Variants in RHOF observed in about 807,000 individuals in gnomAD.
RHOF encodes the protein ras homolog family member F, filopodia associated.
In RHOF, 21 loss-of-function variants were observed where a neutral mutation model predicts 22.2. The observed-to-expected ratio is 0.95, with a 90% CI of 0.67 to 1.36. The LOEUF is 1.36. RHOF is among the 40% of genes most tolerant of loss of function. The pLI is 0.00. For synonymous variants in RHOF, 135 were observed against 131.2 expected (o/e 1.03, Z -0.20); for missense variants, 285 against 293.7 (o/e 0.97, Z 0.22).
intron 2 of RHOF, among the ~76,000 whole-genome samples, chr12:121,790,485 C>T (rs904039290): frequency 2.0e-5 from 3 of 152,250 alleles, no homozygotes; most frequent in African/African-American, 4.8e-5. Context: ...GAATCATCTC[C>T]GGCATTCGGA....
At position 121,779,666 on chromosome 12, in the gene RHOF, G is replaced by C. The variant is rs1874375091; in HGVS notation, c.472-4C>G. 7 of 1,613,660 alleles carry C rather than the reference G, an allele frequency of 4.3e-6. No homozygotes were observed. Among genetic ancestry groups the C allele is most frequent in the African/African-American group, 4.0e-5 (3 of 75,082 alleles). On this transcript the variant is annotated splice_region_variant and splice_polypyrimidine_tract_variant and intron_variant, in intron 4 of 4. Transcript: ENST00000267205. ...TCTGTTCGCAGGCGCTCAGGCCCTG[G>C]GTGGGGGGAGGAGCCAGCATTAGGT...
chr12:121,780,740 T>A, intron 4 of RHOF, 132 bp downstream of exon 4: 1 of 1,069,530 alleles, frequency 9.3e-7, no homozygotes, highest in Non-Finnish European at 1.3e-6. Context: ...ATACTAATAG[T>A]TAAAAATTAT....
In RHOF at chr12:121,781,630, C is replaced by T; in HGVS notation, c.227-438G>A. The T allele has an allele frequency of 1.6e-5, 3 of 189,274 alleles. No homozygotes were observed. In the South Asian group the frequency reaches 2.8e-4, roughly 18 times the overall value. 11.7% of individuals were successfully genotyped at this position (189,274 alleles called of 1,614,324 possible). A position where few individuals can be genotyped will look rare whatever the true frequency, so the allele number is the denominator to read the frequency against. On this transcript the variant is annotated intron_variant, in intron 2 of 4. Coordinates refer to ENST00000267205, the MANE Select transcript of RHOF (RefSeq NM_019034.3). ...CCGATAGCCAGTGTGATCCCCCTGC[C>T]CTGATGGTCAAGGGCAGAGTGCAGA...
chr12:121,789,654 G>A (rs927709713), intron 2 of RHOF, among the ~76,000 whole-genome samples: 1 of 152,158 alleles, frequency 6.6e-6, no homozygotes, highest in Non-Finnish European at 1.5e-5. Context: ...TTCCCAGGGA[G>A]ACAGGGGCTG....
intron 2 of RHOF, among the ~76,000 whole-genome samples, chr12:121,784,232 G>A (rs1295418163): frequency 6.9e-6 from 1 of 145,592 alleles, no homozygotes; most frequent in African/African-American, 2.6e-5. Context: ...AGTTTTCAGG[G>A]TGCTTTAGTC....
chr12:121,780,513 C>T (rs555390520), intron 4 of RHOF: 4 of 417,368 alleles, frequency 9.6e-6, no homozygotes, highest in African/African-American at 2.0e-5. Context: ...AGACAGGACA[C>T]GACAGGACGG....
At position 121,779,389 on chromosome 12, in the gene RHOF, C is replaced by T. The variant is rs998740307; in HGVS notation, c.*109G>A. Reference sequence around the variant, plus strand: ...AATGTTCCAAGAGTCTAGCCGCAGGCCCCAGACACCATGAGCTGGAGGGTC... The same window carrying T: ...AATGTTCCAAGAGTCTAGCCGCAGGTCCCAGACACCATGAGCTGGAGGGTC... On this transcript the variant is annotated 3_prime_UTR_variant, in exon 5 of 5. Transcript: ENST00000267205. 18 of 1,197,634 alleles carry T rather than the reference C, an allele frequency of 1.5e-5. No individual in the cohort carries two copies. The highest frequency in any genetic ancestry group is 2.1e-5 in the Non-Finnish European group (18 of 855,386). The allele number at this position is 1,197,634 out of a possible 1,614,324, so 74.2% of individuals were successfully genotyped here. A position where few individuals can be genotyped will look rare whatever the true frequency, so the allele number is the denominator to read the frequency against.
At chr12:121,793,090 C>T (rs1394978892) in intron 2 of RHOF, 62 bp downstream of exon 2, 7 of 1,422,376 alleles carry the variant, frequency 4.9e-6, no homozygotes, top group Non-Finnish European at 5.8e-6. Context: ...GGGGGACGCC[C>T]GGGAGGGGAA....
rs1874808931 is a variant in RHOF, at chr12:121,793,199, A to C, written c.179T>G (p.Val60Gly). Residue 60 changes from valine to glycine, a missense_variant, in exon 2 of 5, where the codon GTG (valine) becomes GGG (glycine). Physicochemically the swap from Val to Gly is moderately radical, Grantham distance 109 (BLOSUM62 -3). Coordinates refer to ENST00000267205, the MANE Select transcript of RHOF (RefSeq NM_019034.3). ...GGTCACCTCCTTGCTGCCAACGGTCACGCTGGCCGTGTACTTCTCGAACAC... is the reference window on the plus strand; with the variant it reads ...GGTCACCTCCTTGCTGCCAACGGTCCCGCTGGCCGTGTACTTCTCGAACAC... ...PSVFEKYTASVTVGSKEVTLN... is the reference protein window; with the variant it reads ...PSVFEKYTASGTVGSKEVTLN... 6.4e-7 allele frequency: 1 copy of C among 1,550,760 alleles called. No individual in the cohort carries two copies. The highest frequency in any genetic ancestry group is 8.7e-7 in the Non-Finnish European group (1 of 1,146,848).
At chr12:121,793,333 ATCAGCCCCCCC>A (rs1874814012) in intron 1 of RHOF, 94 bp from the exon 2 acceptor site, 2 of 1,444,238 alleles carry the variant, frequency 1.4e-6, no homozygotes, top group East Asian at 5.0e-5. Flanking sequence ...CTCGTCCCGG[ATCAGCCCCCCC>A]TCACCCCGCT....
intron 2 of RHOF, among the ~76,000 whole-genome samples, chr12:121,789,773 T>C (rs1379633804): frequency 3.3e-5 from 5 of 152,206 alleles, no homozygotes; most frequent in African/African-American, 9.7e-5. Flanking sequence ...CCCTGGTTCC[T>C]TGTCTTAGCA....
Position 121,781,110 on chromosome 12 carries a change from G to A in RHOF, c.309C>T (p.Pro103=). The A allele has an allele frequency of 2.5e-6, 4 of 1,614,254 alleles. No homozygotes were observed. The highest frequency in any genetic ancestry group is 3.4e-6 in the Non-Finnish European group (4 of 1,180,040). The part of the protein sequence containing the change: ...LVLICYDVMN[P]TSYDNVLIKW... ...TGATGAGGACGTTGTCGTAGCTGGTGGGATTCATGACGTCATAGCAGATGA... is the reference window on the plus strand; with the variant it reads ...TGATGAGGACGTTGTCGTAGCTGGTAGGATTCATGACGTCATAGCAGATGA... Residue 103 remains proline, a synonymous_variant, in exon 3 of 5, where the codon CCC becomes CCT. Coordinates refer to ENST00000267205, the MANE Select transcript of RHOF (RefSeq NM_019034.3).
intron 2 of RHOF, among the ~76,000 whole-genome samples, chr12:121,784,950 G>A (rs547989635): frequency 3.0e-4 from 46 of 152,264 alleles, no homozygotes; most frequent in African/African-American, 7.9e-4. Context: ...CTCTAGATAC[G>A]CTGTTTTTTT....
intron 2 of RHOF, among the ~76,000 whole-genome samples, chr12:121,786,802 T>C (rs1874620782): frequency 6.6e-6 from 1 of 152,148 alleles, no homozygotes; most frequent in Non-Finnish European, 1.5e-5. Flanking sequence ...TTTTGGAGGC[T>C]GAGGCAGGTG....
At chr12:121,781,246 T>C in intron 2 of RHOF, 54 bp from the exon 3 acceptor site, 2 of 1,526,202 alleles carry the variant, frequency 1.3e-6, no homozygotes, top group Non-Finnish European at 1.8e-6. Flanking sequence ...GTCTGGACTC[T>C]GACGGGTGAA....
At chr12:121,781,432 C>T in intron 2 of RHOF, 2 of 479,650 alleles carry the variant, frequency 4.2e-6, no homozygotes, top group Non-Finnish European at 7.6e-6. Context: ...GATCATGCCA[C>T]TGCACTCCAG....
chr12:121,785,047 G>A (rs1450731827), intron 2 of RHOF, among the ~76,000 whole-genome samples: 2 of 152,252 alleles, frequency 1.3e-5, no homozygotes, highest in African/African-American at 4.8e-5. Context: ...AACAGGGCCA[G>A]GCACCGTGGC....
At chr12:121,783,046 C>T (rs558590213) in intron 2 of RHOF, 1 of 152,378 alleles carries the variant, frequency 6.6e-6, no homozygotes, top group East Asian at 1.9e-4. Context: ...TGAACTGCCG[C>T]CCGGGGCTCA....
At position 121,793,590 on chromosome 12, in the gene RHOF, G is replaced by T. The variant is rs867910062; in HGVS notation, c.44C>A (p.Pro15Gln). Reference protein sequence around the residue: ...GALAQTAAPGPGRKELKIVIV... With the variant: ...GALAQTAAPGQGRKELKIVIV... ...CACGATCTTCAGCTCCTTCCTGCCC[G>T]GACCGGGGGCGGCGGTCTGGGCCAG... Residue 15 changes from proline to glutamine, a missense_variant, in exon 1 of 5, where the codon CCG (proline) becomes CAG (glutamine). Transcript: ENST00000267205. The T allele has an allele frequency of 6.4e-7, 1 of 1,552,558 alleles. No individual in the cohort carries two copies. Among genetic ancestry groups the T allele is most frequent in the South Asian group, 1.2e-5 (1 of 84,880 alleles).
Sources: allele counts gnomAD v4.1 joint callset (sites outside exome capture counted in the v4.1 genomes callset), GRCh38; gene constraint gnomAD v4.1.1; transcripts MANE v1.5; gene names NCBI Gene and HGNC (gene_info 2026-07-23, HGNC 2026-07-21).